The following FHIT variants were observed in gnomAD, a reference collection of about 807,000 sequenced individuals.
FHIT encodes the protein bis(5'-adenosyl)-triphosphatase.
Under a neutral mutation model 17.9 loss-of-function variants are expected in FHIT, and 19 were observed. The ratio of observed to expected loss-of-function variants is 1.06; its 90% confidence interval spans 0.74 to 1.56. The LOEUF (loss-of-function observed/expected upper bound fraction) is 1.56. FHIT is among the 40% of genes most tolerant of loss of function. The probability of loss-of-function intolerance (pLI) is 0.00; values close to 1 mark genes in which losing one functional copy is unlikely to be tolerated. For missense variants in FHIT, 248 were observed against 189.2 expected, an observed-to-expected ratio of 1.31 and a Z score of -1.82; for synonymous variants, 81 against 69.7, an observed-to-expected ratio of 1.16 and a Z score of -0.81.
chr3:59,774,178 G>T (rs1434231901), intron 8 of FHIT, among the ~76,000 whole-genome samples: 4 of 152,260 alleles, frequency 2.6e-5, no homozygotes, highest in African/African-American at 7.2e-5. Flanking sequence ...GGTCAAATCT[G>T]GCCAGGTGCC....
intron 3 of FHIT, among the ~76,000 whole-genome samples, chr3:60,954,811 C>A (rs532918170): frequency 2.6e-5 from 4 of 152,188 alleles, no homozygotes; most frequent in Non-Finnish European, 5.9e-5. Flanking sequence ...CATGTCTTTA[C>A]TCCCATTAGG....
intron 2 of FHIT, among the ~76,000 whole-genome samples, chr3:61,078,827 G>A (rs1373479157): frequency 6.6e-6 from 1 of 152,122 alleles, no homozygotes; most frequent in East Asian, 1.9e-4. Context: ...ACAATGAAAA[G>A]TGATACAGCT....
At chr3:60,954,608 G>A (rs1553778194) in intron 3 of FHIT, among the ~76,000 whole-genome samples, 1 of 152,172 alleles carries the variant, frequency 6.6e-6, no homozygotes, top group Non-Finnish European at 1.5e-5. Flanking sequence ...GAATGTTTTA[G>A]ATACATGTGA....
At chr3:60,275,760 T>C (rs1297531951) in intron 5 of FHIT, among the ~76,000 whole-genome samples, 1 of 152,022 alleles carries the variant, frequency 6.6e-6, no homozygotes, top group Non-Finnish European at 1.5e-5. Context: ...TAAAGGAGAG[T>C]CAGTTACTAA....
chr3:59,961,614 G>A (rs1297794829), intron 7 of FHIT, among the ~76,000 whole-genome samples: 2 of 152,142 alleles, frequency 1.3e-5, no homozygotes, highest in Non-Finnish European at 2.9e-5. Context: ...CTGGGCTGGA[G>A]CGCACCATTC....
intron 5 of FHIT, among the ~76,000 whole-genome samples, chr3:60,411,950 A>G (rs1449212173): frequency 1.3e-5 from 2 of 151,780 alleles, no homozygotes; most frequent in Admixed American, 1.3e-4. Flanking sequence ...TTAAAAAATC[A>G]TTTTTCAGTG....
chr3:59,802,723 C>T (rs1354198828), intron 8 of FHIT, among the ~76,000 whole-genome samples: 1 of 152,164 alleles, frequency 6.6e-6, no homozygotes, highest in Non-Finnish European at 1.5e-5. Flanking sequence ...GTGGTCTCTT[C>T]ACATGGACAC....
chr3:60,073,072 T>C (rs1033768814), intron 5 of FHIT, among the ~76,000 whole-genome samples: 3 of 152,190 alleles, frequency 2.0e-5, no homozygotes, highest in South Asian at 2.1e-4. Context: ...TTCTTTCCTA[T>C]TGGGGGAAAT....
At chr3:60,091,063 C>G (rs1241899146) in intron 5 of FHIT, among the ~76,000 whole-genome samples, 1 of 152,200 alleles carries the variant, frequency 6.6e-6, no homozygotes, top group Non-Finnish European at 1.5e-5. Context: ...CAGAAGCAGA[C>G]AGTCGTCTCC....
chr3:60,775,576 G>A (rs1227065352), intron 4 of FHIT, among the ~76,000 whole-genome samples: 3 of 152,074 alleles, frequency 2.0e-5, no homozygotes, highest in East Asian at 3.9e-4. Flanking sequence ...GCTGTGGGAC[G>A]GACAAGTACC....
chr3:61,071,094 C>T (rs1189011433), intron 2 of FHIT, among the ~76,000 whole-genome samples: 1 of 152,040 alleles, frequency 6.6e-6, no homozygotes. Flanking sequence ...TCCATTTTTG[C>T]CTTGTACAAT....
chr3:60,503,516 TA>T (rs2107528099), intron 5 of FHIT, among the ~76,000 whole-genome samples: 1 of 152,276 alleles, frequency 6.6e-6, no homozygotes, highest in South Asian at 2.1e-4. Context: ...TACAGTAATA[TA>T]AATAACTGAT....
intron 5 of FHIT, among the ~76,000 whole-genome samples, chr3:60,112,570 T>C (rs995024696): frequency 6.6e-6 from 1 of 152,210 alleles, no homozygotes; most frequent in African/African-American, 2.4e-5. Flanking sequence ...GGCTGAAATA[T>C]GGCCTCCACA....
intron 5 of FHIT, among the ~76,000 whole-genome samples, chr3:60,523,292 T>C (rs1034562288): frequency 8.5e-5 from 13 of 152,208 alleles, no homozygotes; most frequent in Admixed American, 7.9e-4. Flanking sequence ...CCATCTTACT[T>C]TCCTTTTACT....
intron 8 of FHIT, among the ~76,000 whole-genome samples, chr3:59,913,266 T>C (rs1438459772): frequency 6.6e-6 from 1 of 152,114 alleles, no homozygotes; most frequent in Non-Finnish European, 1.5e-5. Flanking sequence ...CCATTTGGGA[T>C]TTAGTACTGG....
At chr3:59,947,980 T>C (rs1054620352) in intron 7 of FHIT, among the ~76,000 whole-genome samples, 1 of 152,214 alleles carries the variant, frequency 6.6e-6, no homozygotes, top group Non-Finnish European at 1.5e-5. Flanking sequence ...ATTAATAGTT[T>C]GTTCCTTTTT....
At chr3:60,881,013 A>G (rs782517679) in intron 3 of FHIT, among the ~76,000 whole-genome samples, 4 of 152,194 alleles carry the variant, frequency 2.6e-5, no homozygotes, top group Non-Finnish European at 5.9e-5. Context: ...ACAAAAGAAA[A>G]CAAAAACATG....
chr3:61,166,470 G>C (rs1441733784), intron 2 of FHIT, among the ~76,000 whole-genome samples: 1 of 152,144 alleles, frequency 6.6e-6, no homozygotes, highest in Non-Finnish European at 1.5e-5. Context: ...GTTCTTCTTG[G>C]ATCCTGGAAT....
At chr3:60,922,563 G>T (rs1171912914) in intron 3 of FHIT, among the ~76,000 whole-genome samples, 2 of 152,178 alleles carry the variant, frequency 1.3e-5, no homozygotes, top group Non-Finnish European at 2.9e-5. Context: ...AAAAGTTGAA[G>T]TTAGTGATTT....
Sources: gnomAD v4.1 joint callset for allele counts (sites outside exome capture counted in the v4.1 genomes callset) on GRCh38, gnomAD v4.1.1 for gene constraint, MANE v1.5 for transcripts, NCBI Gene and HGNC (gene_info 2026-07-23, HGNC 2026-07-21) for gene names.